REV1: variants seen among roughly 807,000 people sequenced by gnomAD.
REV1 encodes the protein REV1 DNA directed polymerase, also known as translesion synthesis protein REV1.
In REV1, 42 loss-of-function variants were observed where a neutral mutation model predicts 137.4. The observed-to-expected ratio is 0.31, with a 90% CI of 0.24 to 0.40. The LOEUF (loss-of-function observed/expected upper bound fraction) is 0.40. REV1 is among the 10% of genes least tolerant of loss of function. The pLI, the probability that REV1 is intolerant of heterozygous loss-of-function variation, is 1.00. For synonymous variants in REV1, 524 were observed against 519.2 expected (o/e 1.01, Z -0.12); for missense variants, 1,282 against 1,490.1 (o/e 0.86, Z 2.30).
chr2:99,473,640 GT>G (rs757235278), intron 1 of REV1, among the ~76,000 whole-genome samples: 1 of 151,402 alleles, frequency 6.6e-6, no homozygotes, highest in Non-Finnish European at 1.5e-5. Flanking sequence ...CACTTTATGT[GT>G]TTTTTTTACA....
At chr2:99,430,383 A>G (rs377417372) in intron 8 of REV1, among the ~76,000 whole-genome samples, 13 of 152,312 alleles carry the variant, frequency 8.5e-5, no homozygotes, top group Admixed American at 5.9e-4. Flanking sequence ...CTGTTTCCTA[A>G]AAGAACTATC....
At chr2:99,421,677 C>T (rs753681467) in intron 10 of REV1, 24 bp from the exon 11 acceptor site, 45 of 1,592,928 alleles carry the variant, frequency 2.8e-5, no homozygotes, top group South Asian at 1.0e-4. Context: ...GCAAAGGCAA[C>T]GAATCACAGC....
In REV1 at chr2:99,434,421, C is replaced by G; in HGVS notation, c.1349G>C (p.Arg450Thr). Residue 450 changes from arginine (R) to threonine (T), a missense_variant, in exon 8 of 23, where the codon AGA becomes ACA. Physicochemically the swap from Arg to Thr is moderately conservative, Grantham distance 71. This residue lies in a region of REV1 where 432 missense variants were observed against 438.0 expected (regional missense o/e 0.99). Coordinates refer to ENST00000258428, the MANE Select transcript of REV1 (RefSeq NM_016316.4). The stretch of plus-strand genomic sequence containing the variant: ...ACGTAAAGGTGCCCTTCCTGTGCCT[C>G]TGTTACTTGTAACAGCCACTGGTTT... ...KGKPVAVTSN[R>T]GTGRAPLRPG... The G allele has an allele frequency of 6.2e-7, 1 of 1,602,532 alleles. No individual in the cohort carries two copies. Among genetic ancestry groups the G allele is most frequent in the Non-Finnish European group, 8.5e-7 (1 of 1,174,576 alleles).
At chr2:99,420,595 G>A (rs1164381918) in intron 11 of REV1, among the ~76,000 whole-genome samples, 1 of 152,200 alleles carries the variant, frequency 6.6e-6, no homozygotes, top group Non-Finnish European at 1.5e-5. Context: ...GTCCTGTGTA[G>A]CACGGTGTGC....
intron 1 of REV1, among the ~76,000 whole-genome samples, chr2:99,479,211 CCAG>C (rs1394455200): frequency 9.3e-5 from 14 of 151,322 alleles, no homozygotes; most frequent in African/African-American, 2.9e-4. Flanking sequence ...CCCTGTAGTC[CCAG>C]CTACTTGGGG....
intron 19 of REV1, chr2:99,403,319 G>A (rs1285190401): frequency 1.5e-5 from 9 of 586,270 alleles, no homozygotes. Context: ...TTGACCTTTG[G>A]CATGTTGCTC....
intron 11 of REV1, among the ~76,000 whole-genome samples, chr2:99,419,870 C>A (rs572603264): frequency 1.1e-4 from 17 of 152,246 alleles, no homozygotes; most frequent in South Asian, 6.2e-4. Context: ...GAGGACATAT[C>A]TTGGTTTTAT....
intron 3 of REV1, 122 bp downstream of exon 3, chr2:99,462,374 T>C (rs1684318528): frequency 2.1e-6 from 2 of 932,382 alleles, no homozygotes; most frequent in Non-Finnish European, 3.1e-6. Context: ...AGATGATTTA[T>C]TTCTTCTCAT....
At chr2:99,405,798 T>C (rs1014607521) in intron 17 of REV1, 112 bp downstream of exon 17, 2 of 721,054 alleles carry the variant, frequency 2.8e-6, no homozygotes, top group African/African-American at 3.7e-5. Context: ...TCTCCCTTTC[T>C]TGGTTAAACG....
At chr2:99,406,982 A>ACGGCTGG (rs1676388790) in intron 15 of REV1, 1 of 151,262 alleles carries the variant, frequency 6.6e-6, no homozygotes, top group Admixed American at 6.6e-5. Context: ...AATCACAATT[A>ACGGCTGG]CGGCTGGCTT....
intron 9 of REV1, among the ~76,000 whole-genome samples, chr2:99,428,040 T>C (rs941744851): frequency 6.6e-6 from 1 of 152,158 alleles, no homozygotes; most frequent in Non-Finnish European, 1.5e-5. Context: ...CCACCAGAGC[T>C]GGTGACACTT....
Position 99,442,482 on chromosome 2 carries a change from G to A in REV1, c.351-13C>T. 1.2e-6 allele frequency: 2 copies of A among 1,611,672 alleles called. No homozygotes were observed. Among genetic ancestry groups the A allele is most frequent in the African/African-American group, 1.3e-5 (1 of 74,938 alleles). ...TCCAGCTTTGATGCTGAAACAAAAAGCAACACCAATTTAGAGTTCCATACT... is the reference window on the plus strand; with the variant it reads ...TCCAGCTTTGATGCTGAAACAAAAAACAACACCAATTTAGAGTTCCATACT... On this transcript the variant is annotated splice_polypyrimidine_tract_variant and intron_variant, in intron 4 of 22. Transcript: ENST00000258428.
intron 1 of REV1, among the ~76,000 whole-genome samples, chr2:99,481,976 T>G (rs1686656459): frequency 6.6e-6 from 1 of 152,228 alleles, no homozygotes; most frequent in Non-Finnish European, 1.5e-5. Context: ...TGGGTCCTCC[T>G]TGGCCCACAG....
chr2:99,471,911 A>C (rs1022874476), intron 1 of REV1, among the ~76,000 whole-genome samples: 1 of 150,342 alleles, frequency 6.7e-6, no homozygotes, highest in Non-Finnish European at 1.5e-5. Context: ...AAAAAAAAAA[A>C]CAAGTGTTGA....
intron 11 of REV1, among the ~76,000 whole-genome samples, chr2:99,420,616 G>C (rs543322130): frequency 2.0e-5 from 3 of 152,134 alleles, no homozygotes; most frequent in African/African-American, 7.2e-5. Context: ...CCCTCCTCTC[G>C]GGAAATGGAA....
chr2:99,437,676 C>T (rs2104806652), intron 6 of REV1, among the ~76,000 whole-genome samples: 1 of 152,228 alleles, frequency 6.6e-6, no homozygotes, highest in Admixed American at 6.5e-5. Flanking sequence ...ATTTTATTCC[C>T]ATTCACAGAA....
chr2:99,418,087 T>C (rs576818751), intron 12 of REV1, among the ~76,000 whole-genome samples: 2 of 152,358 alleles, frequency 1.3e-5, no homozygotes, highest in Non-Finnish European at 1.5e-5. Context: ...CAGAAACTTC[T>C]AAGTTAGTTC....
intron 12 of REV1, among the ~76,000 whole-genome samples, chr2:99,416,271 T>C (rs778547331): frequency 2.6e-5 from 4 of 152,238 alleles, no homozygotes; most frequent in Non-Finnish European, 5.9e-5. Flanking sequence ...CAAAGATAAA[T>C]AGGTTTCTTT....
chr2:99,478,643 A>T (rs560545121), intron 1 of REV1, among the ~76,000 whole-genome samples: 1 of 152,366 alleles, frequency 6.6e-6, no homozygotes, highest in South Asian at 2.1e-4. Flanking sequence ...GGAAGAACAG[A>T]ACTTAGCTGA....
Sources: gnomAD v4.1 joint callset for allele counts (sites outside exome capture counted in the v4.1 genomes callset) on GRCh38, gnomAD v4.1.1 for gene constraint, gnomAD v4.1.1 regional missense constraint, MANE v1.5 for transcripts, NCBI Gene and HGNC (gene_info 2026-07-23, HGNC 2026-07-21) for gene names.